KCTD19: variants seen among roughly 807,000 people sequenced by gnomAD.
KCTD19 encodes the protein potassium channel tetramerization domain containing 19, also known as BTB/POZ domain-containing protein KCTD19.
In KCTD19, 67 loss-of-function variants were observed where a neutral mutation model predicts 103.5. The ratio of observed to expected loss-of-function variants is 0.65; its 90% CI spans 0.53 to 0.79. The LOEUF (loss-of-function observed/expected upper bound fraction) is 0.79. Among genes scored for constraint, KCTD19 ranks in the 30% least tolerant of loss-of-function variants. The pLI is 0.00. For synonymous variants in KCTD19, 439 were observed against 452.2 expected, an observed-to-expected ratio of 0.97 and a Z score of 0.37; for missense variants, 980 against 1,136.1, an observed-to-expected ratio of 0.86 and a Z score of 1.98.
intron 13 of KCTD19, 89 bp downstream of exon 13, chr16:67,291,557 G>A (rs772995693): frequency 7.0e-6 from 11 of 1,566,156 alleles, no homozygotes; most frequent in Non-Finnish European, 9.6e-6. Context: ...GGCCCCCAGG[G>A]GCCACTGTCT....
At chr16:67,310,012 C>T (rs1025176495) in intron 2 of KCTD19, among the ~76,000 whole-genome samples, 8 of 152,218 alleles carry the variant, frequency 5.3e-5, no homozygotes, top group Non-Finnish European at 1.0e-4. Context: ...TCAGGTCATG[C>T]TGCAGGCCAG....
intron 2 of KCTD19, among the ~76,000 whole-genome samples, chr16:67,314,706 C>T (rs755373839): frequency 7.9e-5 from 12 of 151,194 alleles, no homozygotes; most frequent in Non-Finnish European, 1.3e-4. Flanking sequence ...GCATGAGCCA[C>T]CGCACCCAGC....
chr16:67,302,638 C>G (rs1421801346), intron 4 of KCTD19: 1 of 160,148 alleles, frequency 6.2e-6, no homozygotes, highest in Non-Finnish European at 1.3e-5. Context: ...TAGGCCACTA[C>G]CTCAAGTGGA....
In KCTD19 at chr16:67,294,626, G is replaced by C; in HGVS notation, c.1544C>G (p.Thr515Arg). ...AFSIRRLHVVTEGPGSLVEFS... is the reference protein window; with the variant it reads ...AFSIRRLHVVREGPGSLVEFS... ...CTCCACCAGTGACCCTGGCCCTTCT[G>C]TCACCACATGCAGCCTCCTGATGGA... is the stretch of plus-strand genomic sequence containing the variant. The change falls in exon 11 of 16, where the codon ACA becomes AGA. Residue 515 changes from threonine (T) to arginine (R), a missense_variant. By Grantham distance (71) the Thr-to-Arg change is moderately conservative. Coordinates refer to ENST00000304372, the MANE Select transcript of KCTD19 (RefSeq NM_001100915.3). 1 of 1,614,090 alleles carries C rather than the reference G, an allele frequency of 6.2e-7. No homozygotes were observed.
At chr16:67,291,286 G>C (rs1202788938) in intron 14 of KCTD19, 23 bp downstream of exon 14, 1 of 1,608,206 alleles carries the variant, frequency 6.2e-7, no homozygotes, top group South Asian at 1.1e-5. Flanking sequence ...GGTGCCCCAG[G>C]GCCTGAGGCC....
intron 2 of KCTD19, among the ~76,000 whole-genome samples, chr16:67,317,589 C>T (rs1448422749): frequency 6.6e-6 from 1 of 151,932 alleles, no homozygotes; most frequent in Non-Finnish European, 1.5e-5. Flanking sequence ...TTCTCAATTT[C>T]TAAATATTGA....
chr16:67,299,255 C>T (rs2036804487), intron 6 of KCTD19, 108 bp downstream of exon 6: 1 of 1,005,404 alleles, frequency 9.9e-7, no homozygotes, highest in African/African-American at 1.6e-5. Flanking sequence ...GGGCTGGCCC[C>T]AAGGACACAC....
At chr16:67,298,616 AG>A (rs2036796030) in intron 6 of KCTD19, among the ~76,000 whole-genome samples, 1 of 152,130 alleles carries the variant, frequency 6.6e-6, no homozygotes, top group Non-Finnish European at 1.5e-5. Context: ...CTGTGACATC[AG>A]GGTGGACATC....
Position 67,291,716 on chromosome 16 carries a change from G to A in KCTD19, c.2340C>T (p.Asp780=). ...CCATCTCCGTGGTATAGATGATGCT[G>A]TCCTCAAAGAACATGCAGAAGCCAT... ...GSDGFCMFFE[D]SIIYTTEMDN... The change falls in exon 13 of 16, where the codon GAC becomes GAT. Residue 780 remains aspartate (D), a synonymous_variant. Coordinates refer to ENST00000304372, the MANE Select transcript of KCTD19 (RefSeq NM_001100915.3). 1 of 1,614,126 alleles carries A rather than the reference G, an allele frequency of 6.2e-7. No homozygotes were observed. Among genetic ancestry groups the A allele is most frequent in the Non-Finnish European group, 8.5e-7 (1 of 1,179,992 alleles).
In KCTD19 at chr16:67,291,653, C is replaced by T. The variant is rs1258053833; in HGVS notation, c.2403G>A (p.Gln801=). 2.5e-6 allele frequency: 4 copies of T among 1,613,118 alleles called. No individual in the cohort carries two copies. Among genetic ancestry groups the T allele is most frequent in the Non-Finnish European group, 2.5e-6 (3 of 1,179,558 alleles). ...LRHTTPTASP[Q]PQEVTFLSFS... ...CTGGCTCCAGAGCCTCACCTTGGGG[C>T]TGGGGACTGGCTGTGGGTGTTGTGT... Residue 801 remains glutamine, a synonymous_variant, in exon 13 of 16, where the codon CAG becomes CAA. Transcript: ENST00000304372.
chr16:67,294,564 G>A lies in KCTD19; in HGVS notation c.1590+16C>T. The A allele has an allele frequency of 6.5e-7, 1 of 1,543,212 alleles. No individual in the cohort carries two copies. The highest frequency in any genetic ancestry group is 9.0e-7 in the Non-Finnish European group (1 of 1,115,194). ...GTTTTTGAGGATAACACCAACCAGA[G>A]GAGGCTGGTGCTTACTTCTTTAGTG... is the stretch of plus-strand genomic sequence containing the variant. On this transcript the variant is annotated intron_variant, in intron 11 of 15. Transcript: ENST00000304372.
At position 67,293,939 on chromosome 16, in the gene KCTD19, G is replaced by A; in HGVS notation, c.1823C>T (p.Pro608Leu). The A allele has an allele frequency of 6.2e-7, 1 of 1,614,124 alleles. No homozygotes were observed. Among genetic ancestry groups the A allele is most frequent in the Non-Finnish European group, 8.5e-7 (1 of 1,180,018 alleles). The change falls in exon 12 of 16, where the codon CCC (proline) becomes CTC (leucine). Residue 608 changes from proline to leucine, a missense_variant. Pro to Leu is a moderately conservative substitution (Grantham distance 98). Transcript: ENST00000304372. This position sits in a 1 kb window ranked among gnomAD's most constrained non-coding sequence, Gnocchi z 4.0. ...GATTGTGGTGCATTTCTTCTTTGGG[G>A]GGCTCTCAGGGTGGCTCCCCCAGTG... ...PGHWGSHPES[P>L]PKKKCTTINL...
Position 67,289,553 on chromosome 16 carries a change from T to C in KCTD19, c.*16A>G. Reference sequence around the variant, plus strand: ...ACTTGGCGGGTGGGGCATGAGGGGCTGCATCTCTGGGCACCCTAGTCCTCT... The same window carrying C: ...ACTTGGCGGGTGGGGCATGAGGGGCCGCATCTCTGGGCACCCTAGTCCTCT... On this transcript the variant is annotated 3_prime_UTR_variant, in exon 16 of 16. Coordinates refer to ENST00000304372, the MANE Select transcript of KCTD19 (RefSeq NM_001100915.3). 2 of 1,523,180 alleles carry C rather than the reference T, an allele frequency of 1.3e-6. No individual in the cohort carries two copies. The highest frequency in any genetic ancestry group is 1.8e-6 in the Non-Finnish European group (2 of 1,097,570). 94.4% of individuals were successfully genotyped at this position (1,523,180 alleles called of 1,614,324 possible).
chr16:67,298,435 C>T (rs942413503), intron 6 of KCTD19, among the ~76,000 whole-genome samples: 7 of 152,280 alleles, frequency 4.6e-5, no homozygotes, highest in South Asian at 4.1e-4. Context: ...GCCGTGTTTC[C>T]GGTTCCAGGG....
chr16:67,290,790 G>A (rs1324015102), intron 15 of KCTD19, 95 bp downstream of exon 15: 3 of 1,123,268 alleles, frequency 2.7e-6, no homozygotes, highest in Non-Finnish European at 1.3e-6. Flanking sequence ...TAGCCTTCTG[G>A]GCAGTGCTGG....
intron 4 of KCTD19, chr16:67,302,440 G>A (rs1316748967): frequency 6.3e-6 from 1 of 159,046 alleles, no homozygotes; most frequent in East Asian, 1.9e-4. Flanking sequence ...CTATGAATAT[G>A]AATGACTGGG....
Position 67,300,812 on chromosome 16 carries a change from T to A in KCTD19, c.775+979A>T, listed in dbSNP as rs2036825104. On this transcript the variant is annotated intron_variant, in intron 5 of 15. Transcript: ENST00000304372. The surrounding 1 kb of genome is among the most constrained non-coding windows in gnomAD (Gnocchi z 4.5). ...GGTGCGTGCCACCATGCCCGGCTAA[T>A]TTTTGTATTTTAGTAGAGATGGGGT... is the stretch of plus-strand genomic sequence containing the variant. 1 of 152,238 alleles carries A rather than the reference T, an allele frequency of 6.6e-6. No homozygotes were observed. Among genetic ancestry groups the A allele is most frequent in the Non-Finnish European group, 1.5e-5 (1 of 68,130 alleles). 9.4% of individuals were successfully genotyped at this position (152,238 alleles called of 1,614,324 possible).
chr16:67,291,686 G>A lies in KCTD19; in HGVS notation c.2370C>T (p.Asn790=). The A allele has an allele frequency of 6.2e-7, 1 of 1,614,080 alleles. No homozygotes were observed. Among genetic ancestry groups the A allele is most frequent in the South Asian group, 1.1e-5 (1 of 91,074 alleles). Reference sequence around the variant, plus strand: ...TGGCTGTGGGTGTTGTGTGCCTGAGGTTGTCCATCTCCGTGGTATAGATGA... The same window carrying A: ...TGGCTGTGGGTGTTGTGTGCCTGAGATTGTCCATCTCCGTGGTATAGATGA... ...DSIIYTTEMD[N]LRHTTPTASP... is the part of the protein sequence containing the mutation. The change falls in exon 13 of 16, where the codon AAC becomes AAT. Residue 790 remains asparagine, a synonymous_variant. Transcript: ENST00000304372.
rs1485849990 is a variant in KCTD19 at position 67,293,914 on chromosome 16, G to A, written c.1848C>T (p.Ile616=). Residue 616 remains isoleucine, a synonymous_variant, in exon 12 of 16, where the codon ATC becomes ATT. Coordinates refer to ENST00000304372, the MANE Select transcript of KCTD19 (RefSeq NM_001100915.3). This position sits in a 1 kb window ranked among gnomAD's most constrained non-coding sequence, Gnocchi z 4.0. Reference sequence around the variant, plus strand: ...TGGTTTCAGATTTCTGTGTGAGGTTGATTGTGGTGCATTTCTTCTTTGGGG... The same window carrying A: ...TGGTTTCAGATTTCTGTGTGAGGTTAATTGTGGTGCATTTCTTCTTTGGGG... ...ESPPKKKCTT[I]NLTQKSETKD... is the part of the protein sequence containing the mutation. 5.0e-6 allele frequency: 8 copies of A among 1,614,044 alleles called. No individual in the cohort carries two copies. The highest frequency in any genetic ancestry group is 6.8e-6 in the Non-Finnish European group (8 of 1,180,050).
Sources: allele counts gnomAD v4.1 joint callset (sites outside exome capture counted in the v4.1 genomes callset), GRCh38; gene constraint gnomAD v4.1.1; non-coding constraint Gnocchi (gnomAD v3.1); transcripts MANE v1.5; gene names NCBI Gene and HGNC (gene_info 2026-07-23, HGNC 2026-07-21).